Variants in RTN4IP1 observed in about 807,000 individuals in gnomAD.
RTN4IP1 encodes reticulon 4 interacting protein 1, also known as NAD(P)H oxidoreductase RTN4IP1, mitochondrial.
A neutral mutation model predicts 46.6 loss-of-function variants in RTN4IP1; 32 were observed. The observed-to-expected ratio is 0.69, with a 90% confidence interval of 0.52 to 0.92. The LOEUF (loss-of-function observed/expected upper bound fraction) is 0.92. Ranked by LOEUF, RTN4IP1 falls within the 40% of genes least tolerant of loss-of-function variation. The pLI is 0.00. For synonymous variants in RTN4IP1, 167 were observed against 161.8 expected (o/e 1.03, Z -0.24); for missense variants, 424 against 485.8 (o/e 0.87, Z 1.20).
intron 4 of RTN4IP1, among the ~76,000 whole-genome samples, chr6:106,618,413 C>A (rs893625926): frequency 6.6e-6 from 1 of 152,156 alleles, no homozygotes; most frequent in Non-Finnish European, 1.5e-5. Context: ...TCTATGATGG[C>A]AACTTTCTAA....
intron 8 of RTN4IP1, chr6:106,572,460 C>T (rs1420568821): frequency 1.0e-5 from 2 of 200,562 alleles, no homozygotes; most frequent in Non-Finnish European, 2.0e-5. Context: ...AAACGCTCTA[C>T]CTGCCATTTT....
chr6:106,626,644 ACTAT>A (rs775009001), intron 1 of RTN4IP1, among the ~76,000 whole-genome samples: 3 of 152,174 alleles, frequency 2.0e-5, no homozygotes, highest in Non-Finnish European at 4.4e-5. Context: ...GCTCACTGTT[ACTAT>A]CTAACAAGCC....
At chr6:106,599,537 A>G (rs1402286926) in intron 5 of RTN4IP1, among the ~76,000 whole-genome samples, 1 of 151,762 alleles carries the variant, frequency 6.6e-6, no homozygotes, top group East Asian at 1.9e-4. Context: ...AATGTCATTA[A>G]ATGGAACGAT....
chr6:106,572,673 T>C (rs935917448), intron 8 of RTN4IP1, among the ~76,000 whole-genome samples: 2 of 152,038 alleles, frequency 1.3e-5, no homozygotes, highest in African/African-American at 4.8e-5. Context: ...AGTACACATC[T>C]CAGCCACTCT....
At chr6:106,576,707 G>A (rs966947586) in intron 8 of RTN4IP1, among the ~76,000 whole-genome samples, 2 of 152,184 alleles carry the variant, frequency 1.3e-5, no homozygotes, top group Non-Finnish European at 2.9e-5. Context: ...GACTATTTAC[G>A]TTAATCAAAA....
chr6:106,584,286 C>G (rs1395059545), intron 7 of RTN4IP1, among the ~76,000 whole-genome samples: 1 of 152,134 alleles, frequency 6.6e-6, no homozygotes. Context: ...ATTACGGAAA[C>G]AGCAAACGAG....
At chr6:106,594,232 G>T (rs1267410378) in intron 5 of RTN4IP1, among the ~76,000 whole-genome samples, 1 of 152,120 alleles carries the variant, frequency 6.6e-6, no homozygotes, top group African/African-American at 2.4e-5. Flanking sequence ...TATAGACGGG[G>T]TGTGGTGGCT....
At position 106,622,972 on chromosome 6, in the gene RTN4IP1, G is replaced by A. The variant is rs746528559; in HGVS notation, c.275-3C>T. 2 of 1,613,220 alleles carry A rather than the reference G, an allele frequency of 1.2e-6. No individual in the cohort carries two copies. The highest frequency in any genetic ancestry group is 1.7e-6 in the Non-Finnish European group (2 of 1,179,480). The stretch of plus-strand genomic sequence containing the variant: ...TAAAGCTGTAGCTCCATAACCACCT[G>A]TAAAATACAATTTATCTGTTTCCTC... On this transcript the variant is annotated splice_region_variant and splice_polypyrimidine_tract_variant and intron_variant, in intron 1 of 8. Coordinates refer to ENST00000369063, the MANE Select transcript of RTN4IP1 (RefSeq NM_032730.5).
chr6:106,583,145 C>T (rs1186883854), intron 8 of RTN4IP1, among the ~76,000 whole-genome samples, 183 bp downstream of exon 8: 2 of 152,194 alleles, frequency 1.3e-5, no homozygotes, highest in Non-Finnish European at 2.9e-5. Context: ...CAGTCTGTGT[C>T]TATGCCTCCC....
chr6:106,594,150 A>G (rs1429717935), intron 5 of RTN4IP1, among the ~76,000 whole-genome samples: 2 of 152,226 alleles, frequency 1.3e-5, no homozygotes, highest in African/African-American at 4.8e-5. Context: ...GAACATTATG[A>G]AAATGTTTTA....
chr6:106,599,940 T>C (rs1028332932), intron 5 of RTN4IP1, among the ~76,000 whole-genome samples: 19 of 152,072 alleles, frequency 1.2e-4, no homozygotes, highest in Admixed American at 1.1e-3. Flanking sequence ...CAACTGTGTA[T>C]GATATTTCTC....
At position 106,592,209 on chromosome 6, in the gene RTN4IP1, T is replaced by C. The variant is rs780278506; in HGVS notation, c.761A>G (p.Asp254Gly). 6.2e-7 allele frequency: 1 copy of C among 1,614,152 alleles called. No homozygotes were observed. Residue 254 changes from aspartate (D) to glycine (G), a missense_variant, in exon 6 of 9, where the codon GAT becomes GGT. By Grantham distance (94) the Asp-to-Gly change is moderately conservative. Transcript: ENST00000369063. ...CTCTTCCACACTTCCAGATTTGTAA[T>C]CAATTACATCGTCTGCACCAAGCTT... ...VRKLGADDVI[D>G]YKSGSVEEQL...
In RTN4IP1 at chr6:106,571,744, A is replaced by G. The variant is rs1775066569; in HGVS notation, c.*252T>C. The G allele has an allele frequency of 2.3e-6, 1 of 433,378 alleles. No individual in the cohort carries two copies. The highest frequency in any genetic ancestry group is 4.2e-6 in the Non-Finnish European group (1 of 240,500). 26.8% of individuals were successfully genotyped at this position (433,378 alleles called of 1,614,324 possible). ...AAGCTAGTAAAACAGAAGGTGCCACAACAACCTGCAAAGCCAGTGTGAAGG... is the reference window on the plus strand; with the variant it reads ...AAGCTAGTAAAACAGAAGGTGCCACGACAACCTGCAAAGCCAGTGTGAAGG... On this transcript the variant is annotated 3_prime_UTR_variant, in exon 9 of 9. Transcript: ENST00000369063.
intron 8 of RTN4IP1, among the ~76,000 whole-genome samples, chr6:106,576,256 G>A (rs1775223136): frequency 6.6e-6 from 1 of 152,216 alleles, no homozygotes; most frequent in African/African-American, 2.4e-5. Flanking sequence ...ACAGGAGGGG[G>A]ATGGCAGATG....
intron 5 of RTN4IP1, among the ~76,000 whole-genome samples, chr6:106,595,442 C>T (rs191535777): frequency 5.3e-5 from 8 of 151,898 alleles, no homozygotes; most frequent in East Asian, 1.9e-4. Flanking sequence ...TTGGTGGTTG[C>T]GAAATAGTGA....
intron 5 of RTN4IP1, among the ~76,000 whole-genome samples, chr6:106,601,623 G>C (rs1020161515): frequency 6.6e-5 from 10 of 151,586 alleles, no homozygotes; most frequent in African/African-American, 9.7e-5. Context: ...TTTTGTTTTT[G>C]TTTTTTGAGA....
At chr6:106,576,959 A>G (rs1205753938) in intron 8 of RTN4IP1, among the ~76,000 whole-genome samples, 5 of 152,236 alleles carry the variant, frequency 3.3e-5, no homozygotes, top group East Asian at 1.9e-4. Flanking sequence ...GAACTCAAAT[A>G]TGGTGCATAA....
At chr6:106,624,630 C>G (rs1358867177) in intron 1 of RTN4IP1, among the ~76,000 whole-genome samples, 2 of 151,274 alleles carry the variant, frequency 1.3e-5, no homozygotes, top group African/African-American at 2.4e-5. Flanking sequence ...GCCACCACAC[C>G]TGGCCCATAT....
intron 5 of RTN4IP1, among the ~76,000 whole-genome samples, chr6:106,594,337 G>A (rs770994532): frequency 1.4e-4 from 21 of 151,946 alleles, no homozygotes; most frequent in Non-Finnish European, 2.6e-4. Context: ...GTGAAACCCC[G>A]TCTCTACTAA....
Sources: allele counts gnomAD v4.1 joint callset (sites outside exome capture counted in the v4.1 genomes callset), GRCh38; gene constraint gnomAD v4.1.1; transcripts MANE v1.5; gene names NCBI Gene and HGNC (gene_info 2026-07-23, HGNC 2026-07-21).